Variants in METTL9 observed in about 807,000 individuals in gnomAD.
METTL9 encodes the protein methyltransferase 9, His-X-His N1(pi)-histidine.
A neutral mutation model predicts 36.0 loss-of-function variants in METTL9; 10 were observed. That is an observed-to-expected ratio of 0.28 (90% CI 0.17 to 0.47). The LOEUF (loss-of-function observed/expected upper bound fraction) is 0.47, where lower values mean the gene tolerates loss of function less well. METTL9 is among the 20% of genes least tolerant of loss of function. The pLI is 0.99. For missense variants in METTL9, 246 were observed against 383.5 expected (o/e 0.64, Z 3.00); for synonymous variants, 175 against 149.7 (o/e 1.17, Z -1.23).
At chr16:21,653,320 C>A in intron 4 of METTL9, 1 of 152,110 alleles carries the variant, frequency 6.6e-6, no homozygotes, top group South Asian at 2.1e-4. Context: ...ATCCCCCTGC[C>A]TTGGCCTCCC....
Position 21,605,257 on chromosome 16 carries a change from C to CTTTTTTTTTTTTTTTTTTT in METTL9, c.165+5380_165+5398dup, listed in dbSNP as rs3046231. ...GGGGTGGTAAAAATAGGCTTGCCTT[C>CTTTTTTTTTTTTTTTTTTT]TTTTTTTTTTTTTTTTTTTTTTTTT... On this transcript the variant is annotated intron_variant, in intron 1 of 4. Transcript: ENST00000358154. Among the ~76,000 whole-genome samples the CTTTTTTTTTTTTTTTTTTT allele has an allele frequency of 9.4e-4, 48 of 51,232 alleles. 14 individuals carry two copies. Among genetic ancestry groups the CTTTTTTTTTTTTTTTTTTT allele is most frequent in the East Asian group, 1.4e-3 (2 of 1,422 alleles). The allele number at this position is 51,232 out of a possible 152,430, so 33.6% of individuals were successfully genotyped here. A position where few individuals can be genotyped will look rare whatever the true frequency, so the allele number is the denominator to read the frequency against.
At chr16:21,600,129 C>A (rs916866531) in intron 1 of METTL9, among the ~76,000 whole-genome samples, 5 of 152,126 alleles carry the variant, frequency 3.3e-5, no homozygotes, top group African/African-American at 1.2e-4. Flanking sequence ...GCAGGCGGGG[C>A]ATGGCCTCCC....
chr16:21,647,638 G>C, intron 4 of METTL9: 2 of 1,074,070 alleles, frequency 1.9e-6, no homozygotes, highest in Non-Finnish European at 2.6e-6. Flanking sequence ...AAACACCAGT[G>C]GTCCTCACTT....
intron 4 of METTL9, among the ~76,000 whole-genome samples, chr16:21,635,135 T>C (rs1643033572): frequency 6.6e-6 from 1 of 152,152 alleles, no homozygotes; most frequent in Admixed American, 6.5e-5. Context: ...CAAGCGAGGT[T>C]GAAGGTTTGC....
chr16:21,597,254 A>C (rs1248223229), upstream of METTL9: 1 of 1,288,888 alleles, frequency 7.8e-7, no homozygotes, highest in Admixed American at 2.3e-5. Flanking sequence ...AAAGCTTCTT[A>C]GATGGATCGA....
intron 1 of METTL9, among the ~76,000 whole-genome samples, chr16:21,608,749 C>T (rs1157384179): frequency 6.6e-6 from 1 of 152,116 alleles, no homozygotes; most frequent in Non-Finnish European, 1.5e-5. Flanking sequence ...TCATTTAGCT[C>T]CAAATGTCAG....
intron 1 of METTL9, among the ~76,000 whole-genome samples, chr16:21,604,833 G>A (rs1277322891): frequency 1.3e-5 from 2 of 152,124 alleles, no homozygotes; most frequent in African/African-American, 4.8e-5. Flanking sequence ...TGGTAGCCCT[G>A]AATGCCTTGG....
At chr16:21,630,645 G>T (rs1214880862) in intron 4 of METTL9, among the ~76,000 whole-genome samples, 2 of 152,242 alleles carry the variant, frequency 1.3e-5, no homozygotes, top group African/African-American at 4.8e-5. Context: ...CTTTAGGCCA[G>T]TGGAAGGGCC....
At position 21,630,454 on chromosome 16, in the gene METTL9, G is replaced by T. The variant is rs540636265; in HGVS notation, c.751+5339G>T. On this transcript the variant is annotated intron_variant, in intron 4 of 4. Transcript: ENST00000358154. Reference sequence around the variant, plus strand: ...CGAGCACAGCCAGAGCCGACGCCGTGGCCGAGGGGGCGCCGAGAGCGAGCG... The same window carrying T: ...CGAGCACAGCCAGAGCCGACGCCGTTGCCGAGGGGGCGCCGAGAGCGAGCG... 5.1e-4 allele frequency among the ~76,000 whole-genome samples: 77 copies of T among 152,340 alleles called. 1 individual carries two copies. The East Asian group carries it at 0.014, about 27-fold the overall frequency.
chr16:21,599,555 C>T (rs1965041051), upstream of METTL9: 5 of 1,283,082 alleles, frequency 3.9e-6, no homozygotes, highest in African/African-American at 1.6e-5. This position sits in a 1 kb window ranked among gnomAD's most constrained non-coding sequence, Gnocchi z 4.4. Flanking sequence ...GGGGAGGTGC[C>T]GAGGCTGCGC....
chr16:21,612,710 T>A lies in METTL9; in HGVS notation c.231T>A (p.Leu77=). The A allele has an allele frequency of 6.2e-7, 1 of 1,612,722 alleles. No homozygotes were observed. Among genetic ancestry groups the A allele is most frequent in the Non-Finnish European group, 8.5e-7 (1 of 1,179,612 alleles). Residue 77 remains leucine (L), a synonymous_variant, in exon 2 of 5, where the codon CTT becomes CTA. Coordinates refer to ENST00000358154, the MANE Select transcript of METTL9 (RefSeq NM_016025.5). ...AGGCTGTCTTTGTTCAGAGTTACCT[T>A]GATCAAGGAACACAGATCTTCTTAA... ...SLQAVFVQSY[L]DQGTQIFLNN...
chr16:21,637,677 G>A lies in METTL9; in HGVS notation c.751+12562G>A, dbSNP rs117307604. Reference sequence around the variant, plus strand: ...ACCGAGTGCTGGGCCTGCTGAGCCCGTACACACCCGGAACCTGTGCTGGCC... The same window carrying A: ...ACCGAGTGCTGGGCCTGCTGAGCCCATACACACCCGGAACCTGTGCTGGCC... On this transcript the variant is annotated intron_variant, in intron 4 of 4. Transcript: ENST00000358154. 8.8e-3 allele frequency among the ~76,000 whole-genome samples: 1,344 copies of A among 152,340 alleles called. 47 individuals are homozygous for A. The highest frequency in any genetic ancestry group is 0.082 in the East Asian group (426 of 5,176).
At chr16:21,605,238 G>GT (rs1965243081) in intron 1 of METTL9, among the ~76,000 whole-genome samples, 2 of 125,036 alleles carry the variant, frequency 1.6e-5, no homozygotes, top group African/African-American at 6.0e-5. Context: ...CTGAGGGGTG[G>GT]TAAAAATAGG....
At chr16:21,651,720 C>G (rs1435071747) in intron 4 of METTL9, 1 of 152,194 alleles carries the variant, frequency 6.6e-6, no homozygotes, top group African/African-American at 2.4e-5. Context: ...CTCCCACCTA[C>G]TCCCTCACTC....
At chr16:21,627,741 G>T (rs117288527) in intron 4 of METTL9, among the ~76,000 whole-genome samples, 3,640 of 152,230 alleles carry the variant, frequency 0.024, 63 homozygotes, top group Non-Finnish European at 0.036. Flanking sequence ...GAGGTCAGGA[G>T]ATCGAGACCA....
At chr16:21,654,118 T>A (rs1966651105) in intron 4 of METTL9, 1 of 147,056 alleles carries the variant, frequency 6.8e-6, no homozygotes, top group African/African-American at 2.5e-5. Context: ...CTTGGCTCGC[T>A]GCAAGCTCCG....
chr16:21,648,067 G>C (rs1422656626), intron 4 of METTL9, among the ~76,000 whole-genome samples: 1 of 152,128 alleles, frequency 6.6e-6, no homozygotes, highest in Admixed American at 6.5e-5. Flanking sequence ...CATGATAAAA[G>C]GCAACATGTA....
intron 4 of METTL9, among the ~76,000 whole-genome samples, chr16:21,629,049 A>G (rs1296476162): frequency 1.3e-5 from 2 of 151,800 alleles, no homozygotes; most frequent in African/African-American, 4.8e-5. Flanking sequence ...GTGTGCCACC[A>G]CACCCGGCTC....
intron 4 of METTL9, chr16:21,653,218 G>C (rs1966625055): frequency 6.6e-6 from 1 of 151,974 alleles, no homozygotes; most frequent in Admixed American, 6.6e-5. Context: ...TTCCTGAGTA[G>C]CTGGGACTAC....
Sources: allele counts gnomAD v4.1 joint callset (sites outside exome capture counted in the v4.1 genomes callset), GRCh38; gene constraint gnomAD v4.1.1; non-coding constraint Gnocchi (gnomAD v3.1); transcripts MANE v1.5; gene names NCBI Gene and HGNC (gene_info 2026-07-23, HGNC 2026-07-21).